The following SIPA1L3 variants were observed in gnomAD, a reference collection of about 807,000 sequenced individuals.
The protein encoded by SIPA1L3 is signal induced proliferation associated 1 like 3, also known as signal-induced proliferation-associated 1-like protein 3.
Under a neutral mutation model 150.1 loss-of-function variants are expected in SIPA1L3, and 59 were observed. The ratio of observed to expected loss-of-function variants is 0.39; its 90% CI spans 0.32 to 0.49. The LOEUF (loss-of-function observed/expected upper bound fraction) is 0.49, where lower values mean the gene tolerates loss of function less well. SIPA1L3 is among the 20% of genes least tolerant of loss of function. The pLI is 0.86. For synonymous variants in SIPA1L3, 1,070 were observed against 1,077.6 expected (o/e 0.99, Z 0.14); for missense variants, 2,211 against 2,489.5 (o/e 0.89, Z 2.38).
At chr19:37,992,244 C>A (rs2145637552) in intron 1 of SIPA1L3, among the ~76,000 whole-genome samples, 1 of 152,290 alleles carries the variant, frequency 6.6e-6, no homozygotes, top group South Asian at 2.1e-4. Context: ...TAGCACAGGC[C>A]CTGGCACTCA....
intron 2 of SIPA1L3, among the ~76,000 whole-genome samples, chr19:38,049,768 C>T (rs1362918998): frequency 2.0e-5 from 3 of 152,134 alleles, no homozygotes; most frequent in Non-Finnish European, 4.4e-5. Context: ...TGCTCTGACC[C>T]GCGTTCCCCC....
chr19:38,082,074 G>C lies in SIPA1L3; in HGVS notation c.509G>C (p.Ser170Thr). The C allele has an allele frequency of 6.2e-7, 1 of 1,612,312 alleles. No homozygotes were observed. Among genetic ancestry groups the C allele is most frequent in the Non-Finnish European group, 8.5e-7 (1 of 1,179,916 alleles). The stretch of plus-strand genomic sequence containing the variant: ...GCCTTCCTCCCCCTTCGGCACCGCA[G>C]CAGCAGCGAGATCACCCTCAGCGAG... ...GRAFLPLRHR[S>T]SSEITLSECD... The change falls in exon 3 of 22, where the codon AGC becomes ACC. Residue 170 changes from serine to threonine, a missense_variant. Ser to Thr is a moderately conservative substitution (Grantham distance 58). Transcript: ENST00000222345.
Position 37,975,963 on chromosome 19 carries a change from T to C in SIPA1L3, c.-378-53126T>C, listed in dbSNP as rs149243118. On this transcript the variant is annotated intron_variant, in intron 1 of 21. Transcript: ENST00000222345. ...CTACTAAAAATAGAAAAATTAGTCATGCGTGGTGGCGGGCGCCAGTAATCT... is the reference window on the plus strand; with the variant it reads ...CTACTAAAAATAGAAAAATTAGTCACGCGTGGTGGCGGGCGCCAGTAATCT... 1.2e-3 allele frequency among the ~76,000 whole-genome samples: 190 copies of C among 152,102 alleles called. 1 individual carries two copies. Among genetic ancestry groups the C allele is most frequent in the African/African-American group, 4.4e-3 (183 of 41,510 alleles).
chr19:37,924,887 A>G (rs1555765242), intron 1 of SIPA1L3, among the ~76,000 whole-genome samples: 2 of 151,584 alleles, frequency 1.3e-5, no homozygotes, highest in Non-Finnish European at 2.9e-5. Context: ...TCTCTCTACT[A>G]AAAATACAAA....
chr19:38,156,670 T>C (rs1448590863), intron 13 of SIPA1L3, among the ~76,000 whole-genome samples: 3 of 151,514 alleles, frequency 2.0e-5, no homozygotes, highest in Non-Finnish European at 4.4e-5. Flanking sequence ...ACCAAAAATA[T>C]AAAAATTAGC....
chr19:37,976,240 G>C (rs1167948302), intron 1 of SIPA1L3, among the ~76,000 whole-genome samples: 1 of 152,130 alleles, frequency 6.6e-6, no homozygotes, highest in Non-Finnish European at 1.5e-5. Flanking sequence ...GGGTTGTCCT[G>C]GAGGGGATTT....
At chr19:38,001,076 CAT>C (rs1007713520) in intron 1 of SIPA1L3, among the ~76,000 whole-genome samples, 15 of 150,246 alleles carry the variant, frequency 1.0e-4, no homozygotes, top group African/African-American at 2.4e-4. Flanking sequence ...ATATATATCA[CAT>C]ATATATATAC....
At chr19:37,928,841 G>A (rs1307041004) in intron 1 of SIPA1L3, among the ~76,000 whole-genome samples, 3 of 152,290 alleles carry the variant, frequency 2.0e-5, no homozygotes, top group Admixed American at 6.5e-5. Context: ...TAGGTAGGCA[G>A]CACAGCAGCA....
intron 4 of SIPA1L3, among the ~76,000 whole-genome samples, chr19:38,090,154 A>AC (rs1247977068): frequency 6.6e-6 from 1 of 151,740 alleles, no homozygotes; most frequent in East Asian, 1.9e-4. Flanking sequence ...ACATGGTAAA[A>AC]CCCCGTCTCT....
chr19:37,911,533 G>A (rs1599784369), intron 1 of SIPA1L3, among the ~76,000 whole-genome samples: 2 of 150,566 alleles, frequency 1.3e-5, no homozygotes, highest in South Asian at 4.2e-4. Context: ...TTTTGAGACG[G>A]AGTCTTGCTC....
chr19:37,937,754 A>AAAAAAAAAAAAAAAAAAAAAAAAAAAAAG (rs2046613999), intron 1 of SIPA1L3, among the ~76,000 whole-genome samples: 1 of 130,478 alleles, frequency 7.7e-6, no homozygotes, highest in South Asian at 2.8e-4. Context: ...AAAAAAAAAA[A>AAAAAAAAAAAAAAAAAAAAAAAAAAAAAG]AAAAAAAAAA....
intron 1 of SIPA1L3, among the ~76,000 whole-genome samples, chr19:37,951,893 CAAAAAAAA>C (rs5827992): frequency 1.2e-5 from 1 of 83,896 alleles, no homozygotes; most frequent in Non-Finnish European, 2.1e-5. Flanking sequence ...AAGACTGTCT[CAAAAAAAA>C]AAAAAAAAAA....
At chr19:37,962,551 C>A (rs353414) in intron 1 of SIPA1L3, among the ~76,000 whole-genome samples, 1 of 148,364 alleles carries the variant, frequency 6.7e-6, no homozygotes, top group African/African-American at 2.5e-5. Flanking sequence ...TCTTCTCAGC[C>A]TTGACTTCCT....
chr19:37,979,949 T>G (rs1237964860), intron 1 of SIPA1L3, among the ~76,000 whole-genome samples: 1 of 152,210 alleles, frequency 6.6e-6, no homozygotes, highest in Admixed American at 6.5e-5. Context: ...GGGCCCTGGC[T>G]GCGTGGCAGG....
intron 2 of SIPA1L3, among the ~76,000 whole-genome samples, chr19:38,041,964 T>C (rs547444000): frequency 8.1e-4 from 124 of 152,364 alleles, no homozygotes; most frequent in Non-Finnish European, 1.4e-3. Flanking sequence ...TTGTCAGATA[T>C]GTGGTTTGCA....
chr19:38,152,873 T>C lies in SIPA1L3; in HGVS notation c.3567T>C (p.Leu1189=), dbSNP rs1176395427. 3.7e-6 allele frequency: 6 copies of C among 1,613,746 alleles called. No individual in the cohort carries two copies. Among genetic ancestry groups the C allele is most frequent in the Non-Finnish European group, 5.1e-6 (6 of 1,179,838 alleles). ...YTAAPHPLLS[L]DPHFSHDGTS... is the part of the protein sequence containing the mutation. ...CTGCCCCACACCCCCTGCTATCTCT[T>C]GATCCCCACTTCAGCCACGATGGGA... is the stretch of plus-strand genomic sequence containing the variant. Residue 1189 remains leucine, a synonymous_variant, in exon 13 of 22, where the codon CTT becomes CTC. Coordinates refer to ENST00000222345, the MANE Select transcript of SIPA1L3 (RefSeq NM_015073.3).
intron 1 of SIPA1L3, among the ~76,000 whole-genome samples, chr19:37,919,286 A>G (rs2046438589): frequency 6.6e-6 from 1 of 152,134 alleles, no homozygotes; most frequent in Admixed American, 6.6e-5. Context: ...GGCATGTGAG[A>G]GATGCTCAGT....
At position 38,164,433 on chromosome 19, in the gene SIPA1L3, C is replaced by A; in HGVS notation, c.3781-46C>A. 1 of 1,544,070 alleles carries A rather than the reference C, an allele frequency of 6.5e-7. No individual in the cohort carries two copies. Among genetic ancestry groups the A allele is most frequent in the Non-Finnish European group, 8.8e-7 (1 of 1,134,008 alleles). On this transcript the variant is annotated intron_variant, in intron 14 of 21. Transcript: ENST00000222345. This position sits in a 1 kb window ranked among gnomAD's most constrained non-coding sequence, Gnocchi z 4.1. ...GGAGGACCCGGCAAGGGAAGATGCGCCCCTGCCCTGGAGTCTGGGAATGAC... is the reference window on the plus strand; with the variant it reads ...GGAGGACCCGGCAAGGGAAGATGCGACCCTGCCCTGGAGTCTGGGAATGAC...
chr19:38,020,549 C>T (rs1165506309), intron 1 of SIPA1L3, among the ~76,000 whole-genome samples: 3 of 152,190 alleles, frequency 2.0e-5, no homozygotes, highest in Non-Finnish European at 4.4e-5. Context: ...GAAAAAGGAT[C>T]CACAGCTATG....
Sources: gnomAD v4.1 joint callset for allele counts (sites outside exome capture counted in the v4.1 genomes callset) on GRCh38, gnomAD v4.1.1 for gene constraint, Gnocchi (gnomAD v3.1) non-coding constraint, MANE v1.5 for transcripts, NCBI Gene and HGNC (gene_info 2026-07-23, HGNC 2026-07-21) for gene names.